The following RSPO3 variants were observed in gnomAD, a reference collection of about 807,000 sequenced individuals.
The protein encoded by RSPO3 is R-spondin 3.
RSPO3 carries 17 observed loss-of-function variants against 36.5 expected under a neutral mutation model. That is an observed-to-expected ratio of 0.47 (90% CI 0.32 to 0.70). RSPO3 has a LOEUF of 0.70. Ranked by LOEUF, RSPO3 falls within the 30% of genes least tolerant of loss-of-function variation. The probability of loss-of-function intolerance (pLI) is 0.04; values close to 1 mark genes in which losing one functional copy is unlikely to be tolerated. For missense variants in RSPO3, 294 were observed against 322.5 expected, an observed-to-expected ratio of 0.91 and a Z score of 0.68; for synonymous variants, 108 against 107.0, an observed-to-expected ratio of 1.01 and a Z score of -0.06.
intron 1 of RSPO3, among the ~76,000 whole-genome samples, chr6:127,132,785 C>T (rs534070910): frequency 7.2e-5 from 11 of 152,188 alleles, no homozygotes; most frequent in African/African-American, 2.6e-4. Context: ...GTTTGCACAG[C>T]ATTTTCAAGT....
chr6:127,178,084 G>A (rs1459361393), intron 4 of RSPO3, among the ~76,000 whole-genome samples: 1 of 151,740 alleles, frequency 6.6e-6, no homozygotes, highest in African/African-American at 2.4e-5. Context: ...GTATATGAGA[G>A]ATCCTTTACT....
chr6:127,176,146 G>T (rs562220357), intron 4 of RSPO3, among the ~76,000 whole-genome samples: 1 of 151,648 alleles, frequency 6.6e-6, no homozygotes, highest in Non-Finnish European at 1.5e-5. Flanking sequence ...ATTGTCTTCA[G>T]CATTTCATAT....
chr6:127,127,298 G>A (rs1773957510), intron 1 of RSPO3, among the ~76,000 whole-genome samples: 1 of 151,958 alleles, frequency 6.6e-6, no homozygotes, highest in Admixed American at 6.6e-5. Context: ...AGACTTCAAA[G>A]GTAAGAACAC....
chr6:127,178,786 T>C lies in RSPO3; in HGVS notation c.635-17037T>C, dbSNP rs1436179862. Among the ~76,000 whole-genome samples the C allele has an allele frequency of 2.6e-5, 4 of 151,766 alleles. No homozygotes were observed. The South Asian group carries it at 6.2e-4, about 24-fold the overall frequency. ...CTAGGAAAGCAGACTAAACACACAG[T>C]TCTGACATAATACAGCATCCCATTT... On this transcript the variant is annotated intron_variant, in intron 4 of 4. Transcript: ENST00000356698.
intron 3 of RSPO3, among the ~76,000 whole-genome samples, chr6:127,154,808 T>C (rs898201238): frequency 2.0e-5 from 3 of 152,156 alleles, no homozygotes; most frequent in Non-Finnish European, 4.4e-5. Flanking sequence ...CAGAATTTTT[T>C]GTTTTAGCAA....
chr6:127,197,181 T>A lies in RSPO3; in HGVS notation c.*1174T>A. 4.7e-6 allele frequency: 2 copies of A among 429,292 alleles called. No homozygotes were observed. The highest frequency in any genetic ancestry group is 4.1e-6 in the Non-Finnish European group (1 of 241,938). The allele number at this position is 429,292 out of a possible 1,614,324, so 26.6% of individuals were successfully genotyped here. On this transcript the variant is annotated 3_prime_UTR_variant, in exon 5 of 5. Coordinates refer to ENST00000356698, the MANE Select transcript of RSPO3 (RefSeq NM_032784.5). ...AATATATTACATTTCTCAGTAATAT[T>A]TGTTTTTTGAATCCACCTTTATCTG...
At chr6:127,134,829 T>G (rs1297732309) in intron 1 of RSPO3, among the ~76,000 whole-genome samples, 6 of 152,104 alleles carry the variant, frequency 3.9e-5, no homozygotes, top group Non-Finnish European at 1.5e-5. Flanking sequence ...TGAAAACAAC[T>G]AAGGAACAGA....
intron 4 of RSPO3, among the ~76,000 whole-genome samples, chr6:127,173,886 G>C (rs1360130781): frequency 6.6e-6 from 1 of 151,924 alleles, no homozygotes; most frequent in Non-Finnish European, 1.5e-5. Flanking sequence ...GAATATTGTA[G>C]TTTAACTTTG....
At chr6:127,188,724 T>G (rs1268933734) in intron 4 of RSPO3, among the ~76,000 whole-genome samples, 1 of 152,114 alleles carries the variant, frequency 6.6e-6, no homozygotes, top group African/African-American at 2.4e-5. Flanking sequence ...AAAAGTTTAT[T>G]CCAAATGCTA....
At chr6:127,167,119 AT>A (rs905670408) in intron 4 of RSPO3, among the ~76,000 whole-genome samples, 2 of 151,646 alleles carry the variant, frequency 1.3e-5, no homozygotes, top group Non-Finnish European at 2.9e-5. Context: ...GAATTAGTTT[AT>A]TTTTTTCCCT....
At chr6:127,140,712 T>C (rs1342880908) in intron 1 of RSPO3, among the ~76,000 whole-genome samples, 1 of 152,220 alleles carries the variant, frequency 6.6e-6, no homozygotes, top group Non-Finnish European at 1.5e-5. Flanking sequence ...TTAGGCTTTT[T>C]ACTCTGGCCC....
At chr6:127,170,951 G>A (rs1774922568) in intron 4 of RSPO3, among the ~76,000 whole-genome samples, 1 of 151,732 alleles carries the variant, frequency 6.6e-6, no homozygotes, top group Non-Finnish European at 1.5e-5. Flanking sequence ...TCTGAAGATG[G>A]ATGCTGGTGA....
intron 1 of RSPO3, among the ~76,000 whole-genome samples, chr6:127,123,314 T>G (rs535995533): frequency 6.6e-6 from 1 of 152,300 alleles, no homozygotes; most frequent in East Asian, 1.9e-4. Context: ...TTGACTACAA[T>G]GTATTTTTCA....
chr6:127,166,571 A>G (rs1178111597), intron 4 of RSPO3, among the ~76,000 whole-genome samples: 1 of 152,040 alleles, frequency 6.6e-6, no homozygotes, highest in Non-Finnish European at 1.5e-5. Flanking sequence ...AGTTGTAGTG[A>G]GGAGTTATGA....
intron 3 of RSPO3, among the ~76,000 whole-genome samples, chr6:127,151,599 T>A (rs1397478065): frequency 1.3e-5 from 2 of 152,078 alleles, no homozygotes; most frequent in Non-Finnish European, 1.5e-5. Flanking sequence ...GTAATAACTC[T>A]AAAGTGATGG....
chr6:127,183,020 CTTG>C (rs1222894240), intron 4 of RSPO3, among the ~76,000 whole-genome samples: 2 of 151,952 alleles, frequency 1.3e-5, no homozygotes, highest in African/African-American at 2.4e-5. Flanking sequence ...CTCTATTTCT[CTTG>C]TTATTTGTTC....
At chr6:127,173,188 C>T (rs929216501) in intron 4 of RSPO3, among the ~76,000 whole-genome samples, 2 of 151,750 alleles carry the variant, frequency 1.3e-5, no homozygotes, top group African/African-American at 4.8e-5. Context: ...TGTTTACAAC[C>T]ATTTTGTTAT....
intron 2 of RSPO3, 86 bp downstream of exon 2, chr6:127,148,925 C>A: frequency 2.0e-6 from 2 of 989,060 alleles, no homozygotes; most frequent in Non-Finnish European, 3.0e-6. Context: ...TTGTGATATT[C>A]AATGTTAAGT....
intron 1 of RSPO3, among the ~76,000 whole-genome samples, chr6:127,120,762 C>T (rs1178246870): frequency 6.6e-6 from 1 of 152,260 alleles, no homozygotes; most frequent in Non-Finnish European, 1.5e-5. Context: ...CCTGGCCGGG[C>T]CTCACCGCCT....
Sources: gnomAD v4.1 joint callset for allele counts (sites outside exome capture counted in the v4.1 genomes callset) on GRCh38, gnomAD v4.1.1 for gene constraint, MANE v1.5 for transcripts, NCBI Gene and HGNC (gene_info 2026-07-23, HGNC 2026-07-21) for gene names.